CEP126: variants seen among roughly 807,000 people sequenced by gnomAD.
The protein encoded by CEP126 is centrosomal protein 126, also known as centrosomal protein of 126 kDa.
CEP126 carries 74 observed loss-of-function variants against 107.8 expected under a neutral mutation model. The observed-to-expected ratio is 0.69, with a 90% CI of 0.57 to 0.83. The LOEUF (loss-of-function observed/expected upper bound fraction) is 0.83, where lower values mean the gene tolerates loss of function less well. Ranked by LOEUF, CEP126 falls within the 40% of genes least tolerant of loss-of-function variation. The pLI is 0.00. For missense variants in CEP126, 1,237 were observed against 1,281.9 expected (o/e 0.96, Z 0.53); for synonymous variants, 449 against 446.0 (o/e 1.01, Z -0.08).
chr11:101,915,583 A>T (rs1048099973), intron 1 of CEP126, among the ~76,000 whole-genome samples, 171 bp downstream of exon 1: 4 of 152,114 alleles, frequency 2.6e-5, no homozygotes, highest in African/African-American at 9.7e-5. Flanking sequence ...CTGAAATTAT[A>T]CCATTTTATC....
At position 101,952,152 on chromosome 11, in the gene CEP126, A is replaced by G. The variant is rs1041520414; in HGVS notation, c.506+4010A>G. On this transcript the variant is annotated intron_variant, in intron 4 of 10. Transcript: ENST00000263468. Reference sequence around the variant, plus strand: ...AATTTCAACCAGAAGGAATATTAGCATGTGAGAAGGCATAGAATCATAAAA... The same window carrying G: ...AATTTCAACCAGAAGGAATATTAGCGTGTGAGAAGGCATAGAATCATAAAA... Among the ~76,000 whole-genome samples the G allele has an allele frequency of 2.0e-5, 3 of 152,222 alleles. No homozygotes were observed. In the East Asian group the frequency reaches 5.8e-4, roughly 29 times the overall value.
At chr11:101,984,127 A>G (rs1591294114) in intron 8 of CEP126, among the ~76,000 whole-genome samples, 1 of 152,258 alleles carries the variant, frequency 6.6e-6, no homozygotes, top group East Asian at 1.9e-4. Flanking sequence ...ATCGTTAGGT[A>G]GATGAAGAGT....
At chr11:101,955,468 A>G (rs762766770) in intron 4 of CEP126, among the ~76,000 whole-genome samples, 11 of 152,180 alleles carry the variant, frequency 7.2e-5, no homozygotes, top group Non-Finnish European at 1.5e-4. Context: ...GCAGTTATCT[A>G]TTGACCTCTA....
At chr11:101,979,969 G>A (rs1941237166) in intron 7 of CEP126, among the ~76,000 whole-genome samples, 1 of 151,996 alleles carries the variant, frequency 6.6e-6, no homozygotes. Flanking sequence ...TTAATAAAAT[G>A]CCTTATGAAG....
At chr11:101,915,476 A>G (rs911284911) in intron 1 of CEP126, 64 bp downstream of exon 1, 45 of 1,556,152 alleles carry the variant, frequency 2.9e-5, no homozygotes, top group Middle Eastern at 1.7e-4. Context: ...TCTTTTTCCA[A>G]TTAGATTCCC....
intron 3 of CEP126, among the ~76,000 whole-genome samples, chr11:101,946,864 A>C (rs1940743904): frequency 6.6e-6 from 1 of 152,236 alleles, no homozygotes; most frequent in East Asian, 1.9e-4. Flanking sequence ...TCTCAAAAAA[A>C]AATGGTGGAA....
In CEP126 at chr11:101,934,742, A is replaced by G. The variant is rs1940551237; in HGVS notation, c.249-9523A>G. On this transcript the variant is annotated intron_variant, in intron 2 of 10. Transcript: ENST00000263468. ...CAATGGTATTCCATTGTAAAAATAT[A>G]TCATAATTTATTTAGCCATTCTTAT... Among the ~76,000 whole-genome samples the G allele has an allele frequency of 2.0e-5, 3 of 152,260 alleles. No individual in the cohort carries two copies. In the South Asian group the frequency reaches 6.2e-4, roughly 32 times the overall value.
chr11:101,990,460 A>G (rs1941365433), intron 9 of CEP126, among the ~76,000 whole-genome samples: 1 of 152,208 alleles, frequency 6.6e-6, no homozygotes. Context: ...TACCCCTGGA[A>G]GAGGAGCAAG....
At chr11:101,950,762 A>C (rs1940801550) in intron 4 of CEP126, among the ~76,000 whole-genome samples, 1 of 152,144 alleles carries the variant, frequency 6.6e-6, no homozygotes, top group African/African-American at 2.4e-5. Flanking sequence ...GGACTACAGG[A>C]TGTGTTGCTG....
Position 101,963,161 on chromosome 11 carries a change from T to C in CEP126, c.2126T>C (p.Met709Thr). The C allele has an allele frequency of 6.2e-7, 1 of 1,614,116 alleles. No homozygotes were observed. The highest frequency in any genetic ancestry group is 1.6e-4 in the Middle Eastern group (1 of 6,062). The change falls in exon 6 of 11, where the codon ATG becomes ACG. Residue 709 changes from methionine (M) to threonine (T), a missense_variant. By Grantham distance (81) the Met-to-Thr change is moderately conservative (BLOSUM62 -1). Coordinates refer to ENST00000263468, the MANE Select transcript of CEP126 (RefSeq NM_020802.4). Reference protein sequence around the residue: ...TTLGGSGADHMPLNCFIPSGY... With the variant: ...TTLGGSGADHTPLNCFIPSGY... ...TTAGGAGGATCTGGAGCAGACCATA[T>C]GCCTTTGAACTGTTTTATACCTTCA...
intron 4 of CEP126, among the ~76,000 whole-genome samples, chr11:101,948,990 G>A (rs911906932): frequency 6.6e-6 from 1 of 152,172 alleles, no homozygotes; most frequent in Non-Finnish European, 1.5e-5. Context: ...ACAAGTAAAT[G>A]TATCCTCTTG....
chr11:101,940,137 T>A (rs1215846618), intron 2 of CEP126, among the ~76,000 whole-genome samples: 1 of 152,188 alleles, frequency 6.6e-6, no homozygotes. Context: ...GTCATAGGTA[T>A]AAGTTATTTT....
intron 3 of CEP126, 29 bp downstream of exon 3, chr11:101,944,439 A>G: frequency 6.3e-7 from 1 of 1,579,990 alleles, no homozygotes; most frequent in Non-Finnish European, 8.6e-7. Context: ...CAGTATGAGA[A>G]CATAAAGTTT....
intron 1 of CEP126, among the ~76,000 whole-genome samples, chr11:101,917,028 A>ATGTGTGTGTG (rs57573389): frequency 1.5e-5 from 2 of 136,052 alleles, no homozygotes; most frequent in East Asian, 2.1e-4. Context: ...AAATCCAACA[A>ATGTGTGTGTG]TGTGTGTGTG....
intron 5 of CEP126, among the ~76,000 whole-genome samples, chr11:101,961,335 G>A (rs1348924871): frequency 6.6e-6 from 1 of 151,988 alleles, no homozygotes; most frequent in African/African-American, 2.4e-5. Context: ...GCTTTTAGGA[G>A]CCTCATTCAA....
intron 2 of CEP126, among the ~76,000 whole-genome samples, chr11:101,932,335 G>A (rs1240925427): frequency 6.6e-6 from 1 of 152,104 alleles, no homozygotes; most frequent in Non-Finnish European, 1.5e-5. Context: ...GATTTAGTGT[G>A]GCTCAACCTA....
chr11:101,948,412 AATATTG>A (rs1366864745), intron 4 of CEP126, among the ~76,000 whole-genome samples: 13 of 152,194 alleles, frequency 8.5e-5, no homozygotes, highest in Admixed American at 7.9e-4. Context: ...ACACTTTTTA[AATATTG>A]ATATTGATAT....
intron 5 of CEP126, among the ~76,000 whole-genome samples, chr11:101,959,531 T>C (rs1349470851): frequency 6.6e-6 from 1 of 152,100 alleles, no homozygotes; most frequent in Non-Finnish European, 1.5e-5. Context: ...AATCAAAACT[T>C]ACTAGACATG....
chr11:101,930,584 G>A (rs1005817422), intron 2 of CEP126, among the ~76,000 whole-genome samples: 3 of 152,164 alleles, frequency 2.0e-5, no homozygotes, highest in South Asian at 4.1e-4. Flanking sequence ...GACCCCAACG[G>A]GTTGCCCCTG....
Sources: gnomAD v4.1 joint callset for allele counts (sites outside exome capture counted in the v4.1 genomes callset) on GRCh38, gnomAD v4.1.1 for gene constraint, MANE v1.5 for transcripts, NCBI Gene and HGNC (gene_info 2026-07-23, HGNC 2026-07-21) for gene names.